CIAO3: variants seen among roughly 807,000 people sequenced by gnomAD.
CIAO3 encodes the protein LET1 like/JFP15.
A neutral mutation model predicts 51.5 loss-of-function variants in CIAO3; 45 were observed. That is an observed-to-expected ratio of 0.87 (90% CI 0.69 to 1.12). The LOEUF is 1.12. Among genes scored for constraint, CIAO3 ranks in the 50% most tolerant of loss-of-function variants. The pLI, the probability that CIAO3 is intolerant of heterozygous loss-of-function variation, is 0.00. For synonymous variants in CIAO3, 314 were observed against 269.3 expected, an observed-to-expected ratio of 1.17 and a Z score of -1.63; for missense variants, 668 against 632.5, an observed-to-expected ratio of 1.06 and a Z score of -0.60.
At chr16:740,639 G>A (rs963691334) in intron 1 of CIAO3, 1 of 502,074 alleles carries the variant, frequency 2.0e-6, no homozygotes, top group Non-Finnish European at 3.5e-6. Context: ...GCGCGAGCCC[G>A]CGACCACGGG....
intron 7 of CIAO3, chr16:732,942 T>G (rs898604186): frequency 9.2e-6 from 3 of 327,324 alleles, no homozygotes; most frequent in Middle Eastern, 2.1e-3. Flanking sequence ...GGCCACAGTT[T>G]GCTTTTCTGC....
At chr16:732,197 C>G in intron 8 of CIAO3, 104 bp downstream of exon 8, 1 of 1,266,888 alleles carries the variant, frequency 7.9e-7, no homozygotes, top group Non-Finnish European at 1.1e-6. Flanking sequence ...CTTCTGTGGA[C>G]GCCAAGATGG....
chr16:739,726 G>A lies in CIAO3; in HGVS notation c.79C>T (p.Pro27Ser), dbSNP rs756510369. Residue 27 changes from proline (P) to serine (S), a missense_variant, in exon 2 of 11, where the codon CCT (proline) becomes TCT (serine). Pro to Ser is a moderately conservative substitution (Grantham distance 74, BLOSUM62 -1). Coordinates refer to ENST00000251588, the MANE Select transcript of CIAO3 (RefSeq NM_022493.3). Reference sequence around the variant, plus strand: ...CCCGCCCTTTTTTCCACTTTGACAGGCTTGATGCACTCCTAGAGCAGGAAG... The same window carrying A: ...CCCGCCCTTTTTTCCACTTTGACAGACTTGATGCACTCCTAGAGCAGGAAG... ...FIGPSQECIKPVKVEKRAGSG... is the reference protein window; with the variant it reads ...FIGPSQECIKSVKVEKRAGSG... 7 of 1,614,020 alleles carry A rather than the reference G, an allele frequency of 4.3e-6. No homozygotes were observed. The highest frequency in any genetic ancestry group is 1.7e-5 in the Admixed American group (1 of 60,014).
chr16:736,922 C>T, intron 3 of CIAO3: 2 of 476,682 alleles, frequency 4.2e-6, no homozygotes, highest in Non-Finnish European at 7.6e-6. Context: ...GCTCAGCCTC[C>T]CAAAGTGCTG....
At position 740,970 on chromosome 16, in the gene CIAO3, T is replaced by C. The variant is rs777781192; in HGVS notation, c.16A>G (p.Ser6Gly). The part of the protein sequence containing the change: MASPF[S>G]GALQLTDLDD... ...AGGTCCGTCAGCTGCAGCGCCCCGC[T>C]GAAGGGCGACGCCATGACGGCCGCA... The change falls in exon 1 of 11, where the codon AGC (serine) becomes GGC (glycine). Residue 6 changes from serine (S) to glycine (G), a missense_variant. Physicochemically the swap from Ser to Gly is moderately conservative, Grantham distance 56. Coordinates refer to ENST00000251588, the MANE Select transcript of CIAO3 (RefSeq NM_022493.3). 81 of 1,513,890 alleles carry C rather than the reference T, an allele frequency of 5.4e-5. 1 individual carries two copies. In the South Asian group the frequency reaches 9.6e-4, roughly 18 times the overall value. The allele number at this position is 1,513,890 out of a possible 1,614,324, so 93.8% of individuals were successfully genotyped here. A position where few individuals can be genotyped will look rare whatever the true frequency, so the allele number is the denominator to read the frequency against.
chr16:737,626 C>A lies in CIAO3; in HGVS notation c.163-297G>T. On this transcript the variant is annotated intron_variant, in intron 2 of 10. Coordinates refer to ENST00000251588, the MANE Select transcript of CIAO3 (RefSeq NM_022493.3). This position sits in a 1 kb window ranked among gnomAD's most constrained non-coding sequence, Gnocchi z 5.3. The stretch of plus-strand genomic sequence containing the variant: ...GCAGCCACCCCACTCACCCATGGGG[C>A]CCTGGACGGGGTGCTGGCCCCGGTG... The A allele has an allele frequency of 1.4e-6, 2 of 1,379,992 alleles. No individual in the cohort carries two copies. Among genetic ancestry groups the A allele is most frequent in the Non-Finnish European group, 1.9e-6 (2 of 1,048,390 alleles). The allele number at this position is 1,379,992 out of a possible 1,614,324, so 85.5% of individuals were successfully genotyped here.
chr16:740,837 A>G, intron 1 of CIAO3, 83 bp downstream of exon 1: 1 of 1,339,640 alleles, frequency 7.5e-7, no homozygotes, highest in Non-Finnish European at 1.0e-6. Flanking sequence ...TCCTCAGGGG[A>G]GGAAGTGGGG....
rs923641982 is a variant in CIAO3 at position 739,827 on chromosome 16, A to G, written c.67-89T>C. The G allele has an allele frequency of 1.5e-5, 21 of 1,407,226 alleles. No homozygotes were observed. In the African/African-American group the frequency reaches 2.4e-4, roughly 16 times the overall value. 87.2% of individuals were successfully genotyped at this position (1,407,226 alleles called of 1,614,324 possible). A position where few individuals can be genotyped will look rare whatever the true frequency, so the allele number is the denominator to read the frequency against. ...GCCTCAAGGATGGCTGCCCAGCCGC[A>G]CAGCCTGAAGGCTCTGCCAGGAGCC... On this transcript the variant is annotated intron_variant, in intron 1 of 10. Transcript: ENST00000251588.
In CIAO3 at chr16:730,868, G is replaced by C; in HGVS notation, c.1167C>G (p.Tyr389Ter). ...RLKRGRCPYH[Y>*]VEVMACPSGC... is the part of the protein sequence containing the mutation. ...CTGAGGGGCAGGCCATGACCTCCAC[G>C]TAGTGGTAGGGGCAGCGCCCTCGTT... The change falls in exon 10 of 11, where the codon TAC becomes TAG. Residue 389 changes from tyrosine (Y) to a stop codon, truncating the protein, a stop_gained. Coordinates refer to ENST00000251588, the MANE Select transcript of CIAO3 (RefSeq NM_022493.3). LOFTEE classifies it low-confidence loss of function (END_TRUNC). 1.2e-6 allele frequency: 2 copies of C among 1,612,870 alleles called. No homozygotes were observed. Among genetic ancestry groups the C allele is most frequent in the Non-Finnish European group, 1.7e-6 (2 of 1,179,984 alleles).
intron 7 of CIAO3, chr16:732,624 C>T (rs2041296140): frequency 1.7e-6 from 1 of 580,052 alleles, no homozygotes; most frequent in South Asian, 1.7e-5. Flanking sequence ...TCTGTCCATC[C>T]TCTTAGGCAG....
intron 4 of CIAO3, 133 bp downstream of exon 4, chr16:736,133 G>A (rs2041334588): frequency 8.6e-7 from 1 of 1,161,146 alleles, no homozygotes; most frequent in East Asian, 2.4e-5. Context: ...GGTCACAGAG[G>A]GAATAAAGTT....
In CIAO3 at chr16:737,032, C is replaced by G; in HGVS notation, c.306+154G>C. The G allele has an allele frequency of 1.1e-6, 1 of 943,622 alleles. No individual in the cohort carries two copies. The highest frequency in any genetic ancestry group is 1.6e-6 in the Non-Finnish European group (1 of 620,984). 58.5% of individuals were successfully genotyped at this position (943,622 alleles called of 1,614,324 possible). A position where few individuals can be genotyped will look rare whatever the true frequency, so the allele number is the denominator to read the frequency against. Reference sequence around the variant, plus strand: ...CTGACACGTTCACCACTGGAGCCCACTGACAAATCACCAAGATTCCAAGCC... The same window carrying G: ...CTGACACGTTCACCACTGGAGCCCAGTGACAAATCACCAAGATTCCAAGCC... On this transcript the variant is annotated intron_variant, in intron 3 of 10. Transcript: ENST00000251588. This position sits in a 1 kb window ranked among gnomAD's most constrained non-coding sequence, Gnocchi z 5.3.
At position 732,284 on chromosome 16, in the gene CIAO3, G is replaced by A. The variant is rs1334891479; in HGVS notation, c.896+17C>T. 1 of 1,597,998 alleles carries A rather than the reference G, an allele frequency of 6.3e-7. No individual in the cohort carries two copies. The highest frequency in any genetic ancestry group is 8.5e-7 in the Non-Finnish European group (1 of 1,169,696). The stretch of plus-strand genomic sequence containing the variant: ...TTAGAAGCTAAAATAACAGTTCTTG[G>A]TGGCAGACATACGTACAGGCTGTCC... On this transcript the variant is annotated intron_variant, in intron 8 of 10. Coordinates refer to ENST00000251588, the MANE Select transcript of CIAO3 (RefSeq NM_022493.3).
chr16:734,236 T>C lies in CIAO3; in HGVS notation c.686A>G (p.Gln229Arg). The C allele has an allele frequency of 1.2e-6, 2 of 1,611,460 alleles. No homozygotes were observed. Among genetic ancestry groups the C allele is most frequent in the African/African-American group, 2.7e-5 (2 of 75,038 alleles). ...CTGGCCCAACGCCGTTACCTGCTGC[T>C]GGGCGAAGAAGTCCTTGACCAGGGA... ...MGSLVKDFFA[Q>R]QQHLTPDKIY... is the part of the protein sequence containing the mutation. The change falls in exon 6 of 11, where the codon CAG becomes CGG. Residue 229 changes from glutamine (Q) to arginine (R), a missense_variant. By Grantham distance (43) the Gln-to-Arg change is conservative. Transcript: ENST00000251588.
rs752877532 is a variant in CIAO3, at chr16:731,686, C to G, written c.913G>C (p.Ala305Pro). The G allele has an allele frequency of 6.4e-7, 1 of 1,557,190 alleles. No individual in the cohort carries two copies. The highest frequency in any genetic ancestry group is 1.2e-5 in the South Asian group (1 of 84,856). The change falls in exon 9 of 11, where the codon GCA becomes CCA. Residue 305 changes from alanine to proline, a missense_variant. By Grantham distance (27) the Ala-to-Pro change is conservative. Coordinates refer to ENST00000251588, the MANE Select transcript of CIAO3 (RefSeq NM_022493.3). Reference protein sequence around the residue: ...PLDSLCSGASAEEPTSHRGGG... With the variant: ...PLDSLCSGASPEEPTSHRGGG... The stretch of plus-strand genomic sequence containing the variant: ...CCCCGATGGCTGGTGGGCTCCTCTG[C>G]AGAGGCACCGCTGCACCTGGCAAGG...
chr16:737,522 A>T lies in CIAO3; in HGVS notation c.163-193T>A. On this transcript the variant is annotated intron_variant, in intron 2 of 10. Coordinates refer to ENST00000251588, the MANE Select transcript of CIAO3 (RefSeq NM_022493.3). The surrounding 1 kb of genome is among the most constrained non-coding windows in gnomAD (Gnocchi z 5.3). ...CGCTCTACAGTTTCATAATGCCGTC[A>T]AGTCTGCTTCTTGGTACCACTTGGT... 6.6e-7 allele frequency: 1 copy of T among 1,519,596 alleles called. No individual in the cohort carries two copies. Among genetic ancestry groups the T allele is most frequent in the Non-Finnish European group, 8.8e-7 (1 of 1,137,086 alleles). The allele number at this position is 1,519,596 out of a possible 1,614,324, so 94.1% of individuals were successfully genotyped here.
At position 730,068 on chromosome 16, in the gene CIAO3, C is replaced by T. The variant is rs917548234; in HGVS notation, c.*349G>A. ...ACCCGTCTTGCTCTGCCTCAGGCAA[C>T]CCCGGGACAGGCTGAAGCCCCTCAC... On this transcript the variant is annotated 3_prime_UTR_variant, in exon 11 of 11. Transcript: ENST00000251588. The T allele has an allele frequency of 4.3e-5, 18 of 422,232 alleles. No individual in the cohort carries two copies. Among genetic ancestry groups the T allele is most frequent in the African/African-American group, 3.0e-4 (15 of 49,576 alleles). 26.2% of individuals were successfully genotyped at this position (422,232 alleles called of 1,614,324 possible). A position where few individuals can be genotyped will look rare whatever the true frequency, so the allele number is the denominator to read the frequency against.
chr16:732,568 AGG>A (rs2151600871), intron 7 of CIAO3, 195 bp from the exon 8 acceptor site: 1 of 688,884 alleles, frequency 1.5e-6, no homozygotes. Flanking sequence ...GGTCCTGCCC[AGG>A]GAGGTGTGCC....
chr16:731,260 G>C (rs924047901), intron 9 of CIAO3: 2 of 620,698 alleles, frequency 3.2e-6, no homozygotes, highest in Non-Finnish European at 5.5e-6. Context: ...TGAGGCCCTG[G>C]CCCTCCCTCC....
Sources: allele counts gnomAD v4.1 joint callset, GRCh38; gene constraint gnomAD v4.1.1; non-coding constraint Gnocchi (gnomAD v3.1); transcripts MANE v1.5; gene names NCBI Gene and HGNC (gene_info 2026-07-23, HGNC 2026-07-21).